CACNA1C: variants seen among roughly 807,000 people sequenced by gnomAD.
CACNA1C encodes voltage-dependent L-type calcium channel subunit alpha-1C.
In CACNA1C, 30 loss-of-function variants were observed where a neutral mutation model predicts 229.0. The observed-to-expected ratio is 0.13, with a 90% CI of 0.10 to 0.18. CACNA1C has a LOEUF of 0.18. Ranked by LOEUF, CACNA1C falls within the 10% of genes least tolerant of loss-of-function variation. The pLI, the probability that CACNA1C is intolerant of heterozygous loss-of-function variation, is 1.00. For missense variants in CACNA1C, 1,658 were observed against 2,845.0 expected (o/e 0.58, Z 9.49); for synonymous variants, 1,114 against 1,132.5 (o/e 0.98, Z 0.33).
chr12:2,496,167 C>G (rs2099746383), intron 7 of CACNA1C, among the ~76,000 whole-genome samples: 1 of 152,218 alleles, frequency 6.6e-6, no homozygotes, highest in African/African-American at 2.4e-5. Flanking sequence ...AAAAAGCTCT[C>G]CAGGTGATTC....
At chr12:2,242,851 G>A (rs968222760) in intron 3 of CACNA1C, among the ~76,000 whole-genome samples, 1 of 152,206 alleles carries the variant, frequency 6.6e-6, no homozygotes, top group African/African-American at 2.4e-5. Context: ...TTTCATATGC[G>A]TGATTTCATT....
chr12:2,136,089 C>T (rs2093439996), intron 3 of CACNA1C, among the ~76,000 whole-genome samples: 1 of 151,254 alleles, frequency 6.6e-6, no homozygotes, highest in African/African-American at 2.4e-5. Flanking sequence ...TCCGTCACCC[C>T]TTTCTTTGAC....
chr12:2,197,553 T>G (rs2097447329), intron 3 of CACNA1C, among the ~76,000 whole-genome samples: 1 of 152,246 alleles, frequency 6.6e-6, no homozygotes, highest in Non-Finnish European at 1.5e-5. Context: ...TGAATTTTAC[T>G]TATTAGTGTT....
At chr12:2,617,148 C>A (rs1353214620) in intron 29 of CACNA1C, among the ~76,000 whole-genome samples, 1 of 152,212 alleles carries the variant, frequency 6.6e-6, no homozygotes, top group African/African-American at 2.4e-5. Context: ...TCCGGTCCCC[C>A]ACCTGTTGTC....
At chr12:2,562,471 G>A (rs2048018930) in intron 11 of CACNA1C, among the ~76,000 whole-genome samples, 1 of 152,132 alleles carries the variant, frequency 6.6e-6, no homozygotes, top group Non-Finnish European at 1.5e-5. Flanking sequence ...ATTTTTTAGG[G>A]GAATAAACTA....
chr12:2,631,376 T>C (rs1408021879), intron 29 of CACNA1C, among the ~76,000 whole-genome samples: 4 of 152,194 alleles, frequency 2.6e-5, no homozygotes, highest in Non-Finnish European at 4.4e-5. Flanking sequence ...CTCCCTTCTC[T>C]TCCTTGACTT....
chr12:2,297,197 T>C (rs183258871), intron 3 of CACNA1C, among the ~76,000 whole-genome samples: 64 of 152,330 alleles, frequency 4.2e-4, no homozygotes, highest in African/African-American at 1.4e-3. Context: ...CCTGGTGTCA[T>C]CAACTCTCTA....
rs532245685 is a variant in CACNA1C, at chr12:2,488,602, T to C, written c.916+2340T>C. Among the ~76,000 whole-genome samples, 1 of 152,360 alleles carries C rather than the reference T, an allele frequency of 6.6e-6. No homozygotes were observed. Among genetic ancestry groups the C allele is most frequent in the South Asian group, 2.1e-4 (1 of 4,824 alleles). On this transcript the variant is annotated intron_variant, in intron 6 of 46. Transcript: ENST00000399655. This position sits in a 1 kb window ranked among gnomAD's most constrained non-coding sequence, Gnocchi z 4.0. ...ACCAAGAGACTCATCAGATTGTTTA[T>C]GTGATGGGTTTATCTTTGCCTGCAA... is the stretch of plus-strand genomic sequence containing the variant.
chr12:2,522,349 A>G (rs1214596863), intron 9 of CACNA1C, among the ~76,000 whole-genome samples: 2 of 152,240 alleles, frequency 1.3e-5, no homozygotes, highest in East Asian at 3.8e-4. Flanking sequence ...CCAAAAACAC[A>G]TAATGAATTG....
intron 5 of CACNA1C, among the ~76,000 whole-genome samples, chr12:2,472,866 G>A (rs932757361): frequency 6.6e-6 from 1 of 152,192 alleles, no homozygotes; most frequent in Non-Finnish European, 1.5e-5. Context: ...ATGAACGTGT[G>A]TAGGCTTGGT....
At chr12:2,451,525 G>A (rs1416969561) in intron 4 of CACNA1C, among the ~76,000 whole-genome samples, 1 of 152,202 alleles carries the variant, frequency 6.6e-6, no homozygotes, top group Non-Finnish European at 1.5e-5. Context: ...ATGAAATCAT[G>A]AGTCGGGGGA....
intron 4 of CACNA1C, among the ~76,000 whole-genome samples, chr12:2,451,712 G>T (rs1435395772): frequency 6.6e-6 from 1 of 152,184 alleles, no homozygotes; most frequent in Non-Finnish European, 1.5e-5. Context: ...CAACCACAAG[G>T]GGCCAGGCTT....
intron 3 of CACNA1C, among the ~76,000 whole-genome samples, chr12:2,338,248 G>C (rs2239050): frequency 0.27 from 40,770 of 152,058 alleles, 9,941 homozygotes; most frequent in African/African-American, 0.66. Context: ...AGCAGCAAAC[G>C]TCTTCTGAAT....
At position 2,512,932 on chromosome 12, in the gene CACNA1C, C is replaced by T. The variant is rs2154579676; in HGVS notation, c.1338C>T (p.Asp446=). 6.2e-7 allele frequency: 1 copy of T among 1,611,816 alleles called. No individual in the cohort carries two copies. Among genetic ancestry groups the T allele is most frequent in the Non-Finnish European group, 8.5e-7 (1 of 1,178,904 alleles). ...TGGATTGGATCACTCAGGCCGAAGA[C>T]ATCGATCCTGAGAATGAGGACGAAG... ...GYLDWITQAE[D]IDPENEDEGM... is the part of the protein sequence containing the mutation. The change falls in exon 9 of 47, where the codon GAC becomes GAT. Residue 446 remains aspartate, a synonymous_variant. Coordinates refer to ENST00000399655, the MANE Select transcript of CACNA1C (RefSeq NM_000719.7). This position sits in a 1 kb window ranked among gnomAD's most constrained non-coding sequence, Gnocchi z 4.3.
At chr12:2,502,898 T>A (rs2099763847) in intron 7 of CACNA1C, among the ~76,000 whole-genome samples, 1 of 152,158 alleles carries the variant, frequency 6.6e-6, no homozygotes, top group Non-Finnish European at 1.5e-5. Context: ...TAGCCTAGAA[T>A]CACCTGGGAT....
At chr12:2,097,823 C>T (rs1220195497) in intron 1 of CACNA1C, among the ~76,000 whole-genome samples, 2 of 152,218 alleles carry the variant, frequency 1.3e-5, no homozygotes, top group African/African-American at 2.4e-5. Context: ...TGCTGGGCTG[C>T]ACCTGGTTCA....
chr12:2,493,519 C>T lies in CACNA1C; in HGVS notation c.1113+133C>T, dbSNP rs1487131278. On this transcript the variant is annotated intron_variant, in intron 7 of 46. Transcript: ENST00000399655. The surrounding 1 kb of genome is among the most constrained non-coding windows in gnomAD (Gnocchi z 4.6). The stretch of plus-strand genomic sequence containing the variant: ...TCTTGATGGAATGGTTGATGAAGAG[C>T]GTCTTTGATTTCTTCCAGGTCTTGC... 3 of 716,910 alleles carry T rather than the reference C, an allele frequency of 4.2e-6. No individual in the cohort carries two copies. The highest frequency in any genetic ancestry group is 2.3e-5 in the Admixed American group (1 of 43,562). The allele number at this position is 716,910 out of a possible 1,614,324, so 44.4% of individuals were successfully genotyped here.
At position 2,004,092 on chromosome 12, in the gene CACNA1C, C is replaced by G. The variant is rs2154480173; in HGVS notation, c.139+32891C>G. On this transcript the variant is annotated intron_variant, in intron 1 of 46. Coordinates refer to the CACNA1C transcript ENST00000682462. ...TCTTTTCCCCAACTCCAGGTAGCTC[C>G]ACAGATCCGCCTTCCTTCCCCCAAA... The G allele has an allele frequency of 2.6e-6, 2 of 772,918 alleles. 1 individual carries two copies. Among genetic ancestry groups the G allele is most frequent in the East Asian group, 5.5e-5 (2 of 36,692 alleles). 47.9% of individuals were successfully genotyped at this position (772,918 alleles called of 1,614,324 possible).
At chr12:2,434,405 G>C (rs947373780) in intron 3 of CACNA1C, among the ~76,000 whole-genome samples, 1 of 152,192 alleles carries the variant, frequency 6.6e-6, no homozygotes, top group African/African-American at 2.4e-5. Context: ...TCCTAAAAGA[G>C]TCTCTGCAAC....
Sources: gnomAD v4.1 joint callset for allele counts (sites outside exome capture counted in the v4.1 genomes callset) on GRCh38, gnomAD v4.1.1 for gene constraint, Gnocchi (gnomAD v3.1) non-coding constraint, MANE v1.5 for transcripts, NCBI Gene and HGNC (gene_info 2026-07-23, HGNC 2026-07-21) for gene names.